Variants in RAB22A observed in about 807,000 individuals in gnomAD.
RAB22A encodes ras-related protein Rab-22A.
RAB22A carries 13 observed loss-of-function variants against 30.2 expected under a neutral mutation model. The observed-to-expected ratio is 0.43, with a 90% CI of 0.28 to 0.68. The LOEUF (loss-of-function observed/expected upper bound fraction) is 0.68, where lower values mean the gene tolerates loss of function less well. Among genes scored for constraint, RAB22A ranks in the 30% least tolerant of loss-of-function variants. The pLI is 0.18. For synonymous variants in RAB22A, 89 were observed against 87.2 expected (o/e 1.02, Z -0.11); for missense variants, 177 against 246.8 (o/e 0.72, Z 1.89).
rs1987210297 is a variant in RAB22A, at chr20:58,360,653, A to G, written c.*950A>G. ...TTATGTAAATACATTAATAAATTCT[A>G]AGTTTCATTTGACATTCCATTGAAT... is the stretch of plus-strand genomic sequence containing the variant. On this transcript the variant is annotated 3_prime_UTR_variant, in exon 7 of 7. Transcript: ENST00000244040. 6.6e-6 allele frequency: 1 copy of G among 152,658 alleles called. No homozygotes were observed. Among genetic ancestry groups the G allele is most frequent in the Non-Finnish European group, 1.5e-5 (1 of 68,044 alleles). The allele number at this position is 152,658 out of a possible 1,614,324, so 9.5% of individuals were successfully genotyped here. A position where few individuals can be genotyped will look rare whatever the true frequency, so the allele number is the denominator to read the frequency against.
intron 6 of RAB22A, among the ~76,000 whole-genome samples, chr20:58,358,095 AG>A (rs1473023922): frequency 6.6e-6 from 1 of 152,190 alleles, no homozygotes; most frequent in African/African-American, 2.4e-5. Flanking sequence ...GATTGATTGT[AG>A]TGTCTGGGAT....
chr20:58,320,081 T>G (rs1276846044), intron 2 of RAB22A, among the ~76,000 whole-genome samples: 1 of 152,212 alleles, frequency 6.6e-6, no homozygotes, highest in Non-Finnish European at 1.5e-5. Context: ...TAATAGTCTT[T>G]CTCTAGTTCT....
intron 2 of RAB22A, among the ~76,000 whole-genome samples, chr20:58,318,789 G>A (rs1986394956): frequency 6.6e-6 from 1 of 152,164 alleles, no homozygotes; most frequent in East Asian, 1.9e-4. Flanking sequence ...GAGTCAATGT[G>A]CCATAGTGTT....
In RAB22A at chr20:58,362,459, A is replaced by T. The variant is rs1010837339; in HGVS notation, c.*2756A>T. 6.6e-6 allele frequency: 1 copy of T among 152,242 alleles called. No individual in the cohort carries two copies. Among genetic ancestry groups the T allele is most frequent in the African/African-American group, 2.4e-5 (1 of 41,468 alleles). The allele number at this position is 152,242 out of a possible 1,614,324, so 9.4% of individuals were successfully genotyped here. A position where few individuals can be genotyped will look rare whatever the true frequency, so the allele number is the denominator to read the frequency against. On this transcript the variant is annotated 3_prime_UTR_variant, in exon 7 of 7. Transcript: ENST00000244040. ...TAAACATGTTTGGTTTTCTTACGAT[A>T]CAGGGCCATTTTTTTAAAACTCTCA...
At chr20:58,325,013 A>G (rs997206965) in intron 2 of RAB22A, among the ~76,000 whole-genome samples, 4 of 147,174 alleles carry the variant, frequency 2.7e-5, no homozygotes, top group African/African-American at 1.0e-4. Flanking sequence ...CGTCTCTACT[A>G]AAAATACAAA....
chr20:58,335,276 T>A (rs1986728627), intron 2 of RAB22A, among the ~76,000 whole-genome samples: 1 of 152,210 alleles, frequency 6.6e-6, no homozygotes, highest in African/African-American at 2.4e-5. Flanking sequence ...TCATTCCCTT[T>A]GCCTCAGCAG....
At chr20:58,330,429 A>C (rs1234608017) in intron 2 of RAB22A, among the ~76,000 whole-genome samples, 1 of 151,640 alleles carries the variant, frequency 6.6e-6, no homozygotes, top group East Asian at 1.9e-4. Flanking sequence ...GGATCATCTC[A>C]GGATCTGTTA....
At position 58,364,522 on chromosome 20, in the gene RAB22A, T is replaced by G. The variant is rs1032301321; in HGVS notation, c.*4819T>G. On this transcript the variant is annotated 3_prime_UTR_variant, in exon 7 of 7. Transcript: ENST00000244040. ...TAGATAGTAAGATTAAGATGTATCA[T>G]TAGTATATGGTGAAATTAAAACCGT... 2.0e-5 allele frequency: 3 copies of G among 152,200 alleles called. No homozygotes were observed. Among genetic ancestry groups the G allele is most frequent in the Non-Finnish European group, 4.4e-5 (3 of 68,030 alleles). 9.4% of individuals were successfully genotyped at this position (152,200 alleles called of 1,614,324 possible).
At position 58,366,411 on chromosome 20, in the gene RAB22A, C is replaced by T. The variant is rs1987317892; in HGVS notation, c.*6708C>T. 1 of 152,154 alleles carries T rather than the reference C, an allele frequency of 6.6e-6. No homozygotes were observed. Among genetic ancestry groups the T allele is most frequent in the South Asian group, 2.1e-4 (1 of 4,830 alleles). The allele number at this position is 152,154 out of a possible 1,614,324, so 9.4% of individuals were successfully genotyped here. A position where few individuals can be genotyped will look rare whatever the true frequency, so the allele number is the denominator to read the frequency against. ...GGAATAGTTCCAGCATTCGATATTA[C>T]AGTAGGGAGACTGCATTTAACAATA... On this transcript the variant is annotated 3_prime_UTR_variant, in exon 7 of 7. Coordinates refer to ENST00000244040, the MANE Select transcript of RAB22A (RefSeq NM_020673.3).
At chr20:58,349,402 G>A (rs1987006330) in intron 3 of RAB22A, among the ~76,000 whole-genome samples, 1 of 152,178 alleles carries the variant, frequency 6.6e-6, no homozygotes, top group Non-Finnish European at 1.5e-5. Flanking sequence ...AGAAAAAGAG[G>A]AGGCAAATCG....
intron 2 of RAB22A, among the ~76,000 whole-genome samples, chr20:58,337,484 G>A (rs746638723): frequency 9.9e-5 from 15 of 152,100 alleles, no homozygotes; most frequent in Non-Finnish European, 1.9e-4. Flanking sequence ...TGAGGTTAAG[G>A]TGCAGATCCT....
intron 2 of RAB22A, among the ~76,000 whole-genome samples, chr20:58,336,687 C>CT (rs2122951526): frequency 6.6e-6 from 1 of 152,034 alleles, no homozygotes; most frequent in Non-Finnish European, 1.5e-5. Context: ...AGAAATGTAC[C>CT]TTTTTTAAAA....
intron 2 of RAB22A, among the ~76,000 whole-genome samples, chr20:58,313,652 T>G (rs1244268570): frequency 6.6e-6 from 1 of 152,190 alleles, no homozygotes; most frequent in Non-Finnish European, 1.5e-5. Flanking sequence ...GGTACCAGTT[T>G]CCATCTAATA....
Position 58,361,411 on chromosome 20 carries a change from T to G in RAB22A, c.*1708T>G, listed in dbSNP as rs1206966621. ...TGTTGTATATCTTAAGCATTTGGAATTTTTTTTATCTTCTGAAATCATATA... is the reference window on the plus strand; with the variant it reads ...TGTTGTATATCTTAAGCATTTGGAAGTTTTTTTATCTTCTGAAATCATATA... On this transcript the variant is annotated 3_prime_UTR_variant, in exon 7 of 7. Transcript: ENST00000244040. 2 of 152,122 alleles carry G rather than the reference T, an allele frequency of 1.3e-5. No individual in the cohort carries two copies. Among genetic ancestry groups the G allele is most frequent in the Non-Finnish European group, 2.9e-5 (2 of 68,002 alleles). 9.4% of individuals were successfully genotyped at this position (152,122 alleles called of 1,614,324 possible).
intron 2 of RAB22A, among the ~76,000 whole-genome samples, chr20:58,313,962 C>T (rs886179627): frequency 6.6e-6 from 1 of 152,110 alleles, no homozygotes; most frequent in African/African-American, 2.4e-5. Flanking sequence ...TTGCTGACCC[C>T]GATCTAGACA....
chr20:58,346,680 C>G (rs528723108), intron 3 of RAB22A, among the ~76,000 whole-genome samples: 1 of 152,236 alleles, frequency 6.6e-6, no homozygotes, highest in Non-Finnish European at 1.5e-5. Flanking sequence ...TTGACAGAAT[C>G]TCCCATCAGA....
intron 3 of RAB22A, 136 bp downstream of exon 3, chr20:58,343,935 G>A: frequency 2.7e-6 from 2 of 751,126 alleles, no homozygotes; most frequent in Non-Finnish European, 2.2e-6. Flanking sequence ...CATTTGCGTA[G>A]GCCAGCCTTT....
intron 2 of RAB22A, among the ~76,000 whole-genome samples, chr20:58,323,433 TTTATTCTAA>T (rs1986497023): frequency 1.3e-5 from 2 of 152,068 alleles, no homozygotes; most frequent in Non-Finnish European, 2.9e-5. Context: ...TTTTTTAATC[TTTATTCTAA>T]TTCTTAAACA....
At chr20:58,326,679 G>C (rs144378568) in intron 2 of RAB22A, among the ~76,000 whole-genome samples, 19 of 152,260 alleles carry the variant, frequency 1.2e-4, no homozygotes, top group African/African-American at 4.6e-4. Flanking sequence ...TTGGGAACTA[G>C]AGTAGAATTG....
Sources: gnomAD v4.1 joint callset for allele counts (sites outside exome capture counted in the v4.1 genomes callset) on GRCh38, gnomAD v4.1.1 for gene constraint, MANE v1.5 for transcripts, NCBI Gene and HGNC (gene_info 2026-07-23, HGNC 2026-07-21) for gene names.